The following KCTD19 variants were observed in gnomAD, a reference collection of about 807,000 sequenced individuals.
KCTD19 encodes the protein BTB/POZ domain-containing protein KCTD19.
Under a neutral mutation model 103.5 loss-of-function variants are expected in KCTD19, and 67 were observed. The observed-to-expected ratio is 0.65, with a 90% CI of 0.53 to 0.79. The LOEUF (loss-of-function observed/expected upper bound fraction) is 0.79, where lower values mean the gene tolerates loss of function less well. Ranked by LOEUF, KCTD19 falls within the 30% of genes least tolerant of loss-of-function variation. The pLI is 0.00. For synonymous variants in KCTD19, 439 were observed against 452.2 expected, an observed-to-expected ratio of 0.97 and a Z score of 0.37; for missense variants, 980 against 1,136.1, an observed-to-expected ratio of 0.86 and a Z score of 1.98.
intron 2 of KCTD19, among the ~76,000 whole-genome samples, chr16:67,312,134 G>C (rs2036955899): frequency 6.6e-6 from 1 of 152,224 alleles, no homozygotes; most frequent in Non-Finnish European, 1.5e-5. Context: ...AAACTGAGAA[G>C]TCCCCAGAAG....
rs79717536 is a variant in KCTD19 at position 67,305,592 on chromosome 16, C to A, written c.301-1021G>T. ...TCTTCGTGCCGCCCTTACCCAGGGA[C>A]CCATTCTCCCTCAAAAGTCCTGCAG... On this transcript the variant is annotated intron_variant, in intron 2 of 15. Transcript: ENST00000304372. 1,187 of 455,724 alleles carry A rather than the reference C, an allele frequency of 2.6e-3. 11 individuals are homozygous for A. The highest frequency in any genetic ancestry group is 0.021 in the African/African-American group (1,072 of 50,128). 28.2% of individuals were successfully genotyped at this position (455,724 alleles called of 1,614,324 possible).
At chr16:67,302,941 G>A (rs1567450412) in intron 4 of KCTD19, 4 of 575,106 alleles carry the variant, frequency 7.0e-6, no homozygotes, top group South Asian at 4.5e-5. Context: ...AACAAATAGG[G>A]AATAAAACAG....
At chr16:67,309,914 C>A (rs2036932478) in intron 2 of KCTD19, among the ~76,000 whole-genome samples, 1 of 152,142 alleles carries the variant, frequency 6.6e-6, no homozygotes, top group Non-Finnish European at 1.5e-5. Context: ...GTGTTAGCAG[C>A]ACCATTTTCC....
At chr16:67,290,457 C>T (rs1045627706) in intron 15 of KCTD19, among the ~76,000 whole-genome samples, 2 of 152,068 alleles carry the variant, frequency 1.3e-5, no homozygotes, top group Admixed American at 6.6e-5. Flanking sequence ...GGATTACAGG[C>T]GTGAGCCACC....
rs2036762898 is a variant in KCTD19 at position 67,296,221 on chromosome 16, G to GT, written c.1185dup (p.Gln396ThrfsTer67). ...CTTCCAACATACACTTTGATGATCTGTTGTGGGGAATACACAGTGATCTCT... is the reference window on the plus strand; with the variant it reads ...CTTCCAACATACACTTTGATGATCTGTTTGTGGGGAATACACAGTGATCTCT... On this transcript the variant is annotated frameshift_variant, in exon 8 of 16. Coordinates refer to ENST00000304372, the MANE Select transcript of KCTD19 (RefSeq NM_001100915.3). LOFTEE classifies it high-confidence loss of function. 2 of 1,613,490 alleles carry GT rather than the reference G, an allele frequency of 1.2e-6. No homozygotes were observed. Among genetic ancestry groups the GT allele is most frequent in the Non-Finnish European group, 8.5e-7 (1 of 1,179,502 alleles).
At position 67,303,108 on chromosome 16, in the gene KCTD19, C is replaced by CTGGGGGGGGGGGGGGGGGGGGGG; in HGVS notation, c.643+37_643+38insCCCCCCCCCCCCCCCCCCCCCCA. On this transcript the variant is annotated intron_variant, in intron 4 of 15. Coordinates refer to ENST00000304372, the MANE Select transcript of KCTD19 (RefSeq NM_001100915.3). The surrounding 1 kb of genome is among the most constrained non-coding windows in gnomAD (Gnocchi z 4.3). ...ATGGGGAGGGGTGAATGGGCCCTAT[C>CTGGGGGGGGGGGGGGGGGGGGGG]AGCCCGCCCCCCACCCCACCCCGGA... is the stretch of plus-strand genomic sequence containing the variant. 1.3e-6 allele frequency: 1 copy of CTGGGGGGGGGGGGGGGGGGGGGG among 798,076 alleles called. No individual in the cohort carries two copies. The highest frequency in any genetic ancestry group is 2.1e-6 in the Non-Finnish European group (1 of 476,658). 49.4% of individuals were successfully genotyped at this position (798,076 alleles called of 1,614,324 possible).
At chr16:67,312,653 T>C (rs974794068) in intron 2 of KCTD19, among the ~76,000 whole-genome samples, 2 of 152,168 alleles carry the variant, frequency 1.3e-5, no homozygotes, top group African/African-American at 4.8e-5. Context: ...TTTTCCTCCC[T>C]AAACCTGTGT....
chr16:67,291,706 A>G lies in KCTD19; in HGVS notation c.2350T>C (p.Tyr784His), dbSNP rs2036698639. 2 of 1,614,078 alleles carry G rather than the reference A, an allele frequency of 1.2e-6. No homozygotes were observed. The highest frequency in any genetic ancestry group is 1.7e-6 in the Non-Finnish European group (2 of 1,180,008). ...FCMFFEDSII[Y>H]TTEMDNLRHT... ...CTGAGGTTGTCCATCTCCGTGGTAT[A>G]GATGATGCTGTCCTCAAAGAACATG... is the stretch of plus-strand genomic sequence containing the variant. Residue 784 changes from tyrosine (Y) to histidine (H), a missense_variant, in exon 13 of 16, where the codon TAT becomes CAT. Physicochemically the swap from Tyr to His is moderately conservative, Grantham distance 83. Coordinates refer to ENST00000304372, the MANE Select transcript of KCTD19 (RefSeq NM_001100915.3).
chr16:67,321,678 A>G (rs553856157), intron 1 of KCTD19: 1 of 152,308 alleles, frequency 6.6e-6, no homozygotes, highest in African/African-American at 2.4e-5. Flanking sequence ...AGACTGCCAC[A>G]TGCAGCGCCT....
At chr16:67,304,076 G>A (rs1450751089) in intron 3 of KCTD19, among the ~76,000 whole-genome samples, 1 of 152,186 alleles carries the variant, frequency 6.6e-6, no homozygotes, top group Non-Finnish European at 1.5e-5. Context: ...TATGCTGCCA[G>A]GCACCCATCA....
In KCTD19 at chr16:67,326,722, C is replaced by T. The variant is rs758370934; in HGVS notation, c.-15G>A. 2.7e-5 allele frequency: 42 copies of T among 1,574,184 alleles called. No homozygotes were observed. The highest frequency in any genetic ancestry group is 3.6e-5 in the Non-Finnish European group (42 of 1,165,288). ...CTCCGTACCATGGTCGCGGCTCCAG[C>T]AGCGGGCGGGCGGGCTTGTGACCCG... On this transcript the variant is annotated 5_prime_UTR_variant, in exon 1 of 16. Coordinates refer to ENST00000304372, the MANE Select transcript of KCTD19 (RefSeq NM_001100915.3).
At chr16:67,291,617 C>T (rs368473562) in intron 13 of KCTD19, 29 bp downstream of exon 13, 121 of 1,603,542 alleles carry the variant, frequency 7.5e-5, no homozygotes, top group Admixed American at 2.7e-4. Flanking sequence ...CGAGGAGGCG[C>T]AGGGCTCGGC....
Position 67,293,425 on chromosome 16 carries a change from G to A in KCTD19, c.2218+119C>T. The stretch of plus-strand genomic sequence containing the variant: ...GTGTCTGCTGCCTGGCACAGAGATG[G>A]CATTGGTGAGCGGGGGGGTCTAGTC... On this transcript the variant is annotated intron_variant, in intron 12 of 15. Coordinates refer to ENST00000304372, the MANE Select transcript of KCTD19 (RefSeq NM_001100915.3). This position sits in a 1 kb window ranked among gnomAD's most constrained non-coding sequence, Gnocchi z 4.0. 2 of 1,087,248 alleles carry A rather than the reference G, an allele frequency of 1.8e-6. No homozygotes were observed. The highest frequency in any genetic ancestry group is 1.5e-5 in the South Asian group (1 of 65,838). 67.4% of individuals were successfully genotyped at this position (1,087,248 alleles called of 1,614,324 possible). A position where few individuals can be genotyped will look rare whatever the true frequency, so the allele number is the denominator to read the frequency against.
At chr16:67,302,575 C>G (rs2036845386) in intron 4 of KCTD19, 1 of 156,680 alleles carries the variant, frequency 6.4e-6, no homozygotes. Context: ...CATCCTGGGG[C>G]AGTAGGGGGA....
Position 67,301,793 on chromosome 16 carries a change from A to G in KCTD19, c.773T>C (p.Met258Thr). 2 of 1,613,964 alleles carry G rather than the reference A, an allele frequency of 1.2e-6. No individual in the cohort carries two copies. Among genetic ancestry groups the G allele is most frequent in the Non-Finnish European group, 8.5e-7 (1 of 1,179,898 alleles). ...GCCAAGGTTTCCTGGCGACATACCC[A>G]TGTTCATCCGGTACCACCTTACGGC... The part of the protein sequence containing the change: ...TEAVRWYRMN[M>T]GGCSPTTCSP... The change falls in exon 5 of 16, where the codon ATG (methionine) becomes ACG (threonine). Residue 258 changes from methionine (M) to threonine (T), a missense_variant and splice_region_variant. By Grantham distance (81) the Met-to-Thr change is moderately conservative (BLOSUM62 -1). Transcript: ENST00000304372.
At chr16:67,290,856 G>T (rs767021621) in intron 15 of KCTD19, 29 bp downstream of exon 15, 6 of 1,583,828 alleles carry the variant, frequency 3.8e-6, no homozygotes, top group Non-Finnish European at 5.2e-6. Flanking sequence ...AGGGTCGGTG[G>T]ATTCCCAGGG....
rs377082330 is a variant in KCTD19 at position 67,322,931 on chromosome 16, A to C, written c.4-2046T>G. On this transcript the variant is annotated intron_variant, in intron 1 of 15. Transcript: ENST00000304372. ...GACATCTCTCCAAAGAATATATACA[A>C]ATGACCAACAGAACGAAAAAAGATG... is the stretch of plus-strand genomic sequence containing the variant. Among the ~76,000 whole-genome samples, 5 of 152,344 alleles carry C rather than the reference A, an allele frequency of 3.3e-5. No homozygotes were observed. The East Asian group carries it at 9.6e-4, about 29-fold the overall frequency.
chr16:67,299,006 G>A (rs188859755), intron 6 of KCTD19, among the ~76,000 whole-genome samples: 11 of 152,350 alleles, frequency 7.2e-5, no homozygotes, highest in Middle Eastern at 3.4e-3. Flanking sequence ...CAAGAGTGGC[G>A]GAGGACCTTT....
In KCTD19 at chr16:67,294,042, A is replaced by G; in HGVS notation, c.1720T>C (p.Ser574Pro). ...GCCCTCTTGGCATTTCGGCATAGGG[A>G]CACCTGGATGGGCCGAGTGTACTGC... ...AEQYTRPIQV[S>P]LCRNAKRAGN... Residue 574 changes from serine to proline, a missense_variant, in exon 12 of 16, where the codon TCC becomes CCC. By Grantham distance (74) the Ser-to-Pro change is moderately conservative (BLOSUM62 -1). Transcript: ENST00000304372. 6.2e-7 allele frequency: 1 copy of G among 1,614,110 alleles called. No homozygotes were observed. Among genetic ancestry groups the G allele is most frequent in the Non-Finnish European group, 8.5e-7 (1 of 1,180,014 alleles).
Sources: allele counts gnomAD v4.1 joint callset (sites outside exome capture counted in the v4.1 genomes callset), GRCh38; gene constraint gnomAD v4.1.1; non-coding constraint Gnocchi (gnomAD v3.1); transcripts MANE v1.5; gene names NCBI Gene and HGNC (gene_info 2026-07-23, HGNC 2026-07-21).